CRYL1: variants seen among roughly 807,000 people sequenced by gnomAD.
CRYL1 encodes lambda-crystallin homolog.
A neutral mutation model predicts 36.6 loss-of-function variants in CRYL1; 29 were observed. That is an observed-to-expected ratio of 0.79 (90% CI 0.59 to 1.08). The LOEUF (loss-of-function observed/expected upper bound fraction) is 1.08. CRYL1 is among the 50% of genes least tolerant of loss of function. The pLI, the probability that CRYL1 is intolerant of heterozygous loss-of-function variation, is 0.00. For missense variants in CRYL1, 411 were observed against 407.9 expected (o/e 1.01, Z -0.06); for synonymous variants, 152 against 151.5 (o/e 1.00, Z -0.02).
chr13:20,490,785 G>A (rs1023698562), intron 2 of CRYL1, among the ~76,000 whole-genome samples: 9 of 152,122 alleles, frequency 5.9e-5, no homozygotes, highest in African/African-American at 1.2e-4. Context: ...TGGTCTGTGC[G>A]GTCACCCGGG....
rs561253463 is a variant in CRYL1, at chr13:20,511,091, T to C, written c.149+1352A>G. Among the ~76,000 whole-genome samples, 250 of 152,196 alleles carry C rather than the reference T, an allele frequency of 1.6e-3. 2 individuals are homozygous for C. The highest frequency in any genetic ancestry group is 2.1e-3 in the Non-Finnish European group (143 of 68,000). ...TCTGGTTGGCTTTGCATTTTATTAT[T>C]TTATTTATGTTGAGGCAAAGTCTCA... On this transcript the variant is annotated intron_variant, in intron 2 of 7. Transcript: ENST00000298248.
intron 3 of CRYL1, chr13:20,439,986 C>A (rs1447029286): frequency 1.1e-5 from 5 of 441,464 alleles, no homozygotes; most frequent in East Asian, 1.1e-4. Flanking sequence ...AATTTTCTGC[C>A]CTTCCCATGA....
At chr13:20,475,203 G>A (rs2033141846) in intron 3 of CRYL1, among the ~76,000 whole-genome samples, 1 of 152,140 alleles carries the variant, frequency 6.6e-6, no homozygotes, top group Non-Finnish European at 1.5e-5. Context: ...ACCGGGAAGA[G>A]GGCCTCCCCG....
intron 3 of CRYL1, among the ~76,000 whole-genome samples, chr13:20,448,133 G>GA (rs942124353): frequency 2.0e-5 from 3 of 152,140 alleles, no homozygotes; most frequent in African/African-American, 7.2e-5. Context: ...TGCTAAAACT[G>GA]AAAAACAAAG....
intron 2 of CRYL1, among the ~76,000 whole-genome samples, chr13:20,497,087 C>T (rs1485112003): frequency 3.9e-5 from 6 of 152,024 alleles, no homozygotes; most frequent in African/African-American, 1.5e-4. Flanking sequence ...AAAGAGGACA[C>T]AGTGTGAATG....
At chr13:20,477,731 TTATATTA>T (rs2033193150) in intron 3 of CRYL1, among the ~76,000 whole-genome samples, 4 of 146,456 alleles carry the variant, frequency 2.7e-5, no homozygotes, top group Non-Finnish European at 6.0e-5. Context: ...AAAATTATTT[TTATATTA>T]TATATTATTT....
intron 2 of CRYL1, among the ~76,000 whole-genome samples, chr13:20,507,387 A>G (rs2033811864): frequency 6.6e-6 from 1 of 152,130 alleles, no homozygotes; most frequent in Admixed American, 6.5e-5. Context: ...TGAAACAGAG[A>G]CCATATGACC....
chr13:20,426,650 A>G, intron 5 of CRYL1: 2 of 980,106 alleles, frequency 2.0e-6, no homozygotes, highest in Non-Finnish European at 2.4e-6. Context: ...TGTGCATACA[A>G]ATGATATTCA....
chr13:20,518,106 C>T (rs1386900364), intron 1 of CRYL1, among the ~76,000 whole-genome samples: 2 of 151,818 alleles, frequency 1.3e-5, no homozygotes, highest in African/African-American at 2.4e-5. Context: ...TACGAGATAA[C>T]GGTCAGCTGG....
At chr13:20,450,677 G>T (rs1306448865) in intron 3 of CRYL1, among the ~76,000 whole-genome samples, 2 of 152,128 alleles carry the variant, frequency 1.3e-5, no homozygotes, top group Non-Finnish European at 2.9e-5. Context: ...TCTAGAACTA[G>T]AAATACCATT....
At chr13:20,499,411 G>A (rs1182095524) in intron 2 of CRYL1, among the ~76,000 whole-genome samples, 2 of 151,552 alleles carry the variant, frequency 1.3e-5, no homozygotes, top group Admixed American at 1.3e-4. Context: ...CACTTTGGGA[G>A]GTCGAGGCGG....
chr13:20,484,007 A>G (rs1306594369), intron 3 of CRYL1, among the ~76,000 whole-genome samples: 7 of 152,176 alleles, frequency 4.6e-5, no homozygotes, highest in African/African-American at 7.2e-5. Context: ...TAGTAGAGAC[A>G]GCATTTCACC....
chr13:20,404,499 G>GAATGAGGAAC (rs2031312755), intron 7 of CRYL1, 136 bp downstream of exon 7: 3 of 673,586 alleles, frequency 4.5e-6, no homozygotes, highest in Non-Finnish European at 7.9e-6. Flanking sequence ...ACAAAGTTAT[G>GAATGAGGAAC]AATGAGGAAC....
intron 3 of CRYL1, among the ~76,000 whole-genome samples, chr13:20,487,462 A>G (rs9552200): frequency 0.26 from 39,137 of 152,134 alleles, 5,089 homozygotes; most frequent in Admixed American, 0.31. Flanking sequence ...AGAGAGACTC[A>G]AAAAGTGATT....
chr13:20,495,583 T>C (rs1430494296), intron 2 of CRYL1, among the ~76,000 whole-genome samples: 1 of 152,170 alleles, frequency 6.6e-6, no homozygotes, highest in Non-Finnish European at 1.5e-5. Context: ...CGTATGGTGG[T>C]AACTCAAAAA....
At chr13:20,503,397 G>C (rs1000126814) in intron 2 of CRYL1, among the ~76,000 whole-genome samples, 2 of 152,196 alleles carry the variant, frequency 1.3e-5, no homozygotes, top group African/African-American at 4.8e-5. Flanking sequence ...GCTGGTCTAG[G>C]ATGGCTTCCC....
chr13:20,439,207 T>C (rs2032297510), intron 4 of CRYL1, among the ~76,000 whole-genome samples: 1 of 152,206 alleles, frequency 6.6e-6, no homozygotes, highest in Non-Finnish European at 1.5e-5. Context: ...ACATTTTTGA[T>C]GTAGCACTTT....
intron 5 of CRYL1, 132 bp downstream of exon 5, chr13:20,431,970 C>G (rs2032070456): frequency 3.2e-6 from 5 of 1,551,816 alleles, no homozygotes; most frequent in Non-Finnish European, 3.5e-6. Context: ...CAAGAAGAAG[C>G]AAGCAGCCTC....
At chr13:20,433,866 C>T (rs986058435) in intron 4 of CRYL1, 1 of 154,416 alleles carries the variant, frequency 6.5e-6, no homozygotes, top group Non-Finnish European at 1.5e-5. Context: ...TTTTCCTGCT[C>T]ACACTTTCAC....
Sources: allele counts gnomAD v4.1 joint callset (sites outside exome capture counted in the v4.1 genomes callset), GRCh38; gene constraint gnomAD v4.1.1; transcripts MANE v1.5; gene names NCBI Gene and HGNC (gene_info 2026-07-23, HGNC 2026-07-21).